Variants in NBEA observed in about 807,000 individuals in gnomAD.
The protein encoded by NBEA is lysosomal-trafficking regulator 2.
NBEA carries 44 observed loss-of-function variants against 343.4 expected under a neutral mutation model. The observed-to-expected ratio is 0.13, with a 90% CI of 0.10 to 0.16. The LOEUF is 0.16. Ranked by LOEUF, NBEA falls within the 10% of genes least tolerant of loss-of-function variation. The pLI, the probability that NBEA is intolerant of heterozygous loss-of-function variation, is 1.00. For missense variants in NBEA, 2,555 were observed against 3,631.3 expected, an observed-to-expected ratio of 0.70 and a Z score of 7.62; for synonymous variants, 1,175 against 1,238.7, an observed-to-expected ratio of 0.95 and a Z score of 1.08.
In NBEA at chr13:35,521,871, CT is replaced by C. The variant is rs1277400266; in HGVS notation, c.6586-28605del. On this transcript the variant is annotated intron_variant, in intron 41 of 58. Coordinates refer to ENST00000379939, the MANE Select transcript of NBEA (RefSeq NM_001385012.1). The stretch of plus-strand genomic sequence containing the variant: ...TTGGTACATACATTCCAAAAAGTCT[CT>C]CCCCTTTAACTATTTTGGTTCCTCC... Among the ~76,000 whole-genome samples the C allele has an allele frequency of 2.0e-5, 3 of 152,260 alleles. 1 individual carries two copies. The highest frequency in any genetic ancestry group is 7.2e-5 in the African/African-American group (3 of 41,536).
intron 45 of NBEA, among the ~76,000 whole-genome samples, chr13:35,581,784 G>A (rs1354618398): frequency 6.7e-6 from 1 of 149,064 alleles, no homozygotes; most frequent in African/African-American, 2.5e-5. Context: ...CCTAATGCTA[G>A]ATGATGAGTT....
intron 38 of NBEA, among the ~76,000 whole-genome samples, chr13:35,390,503 C>T (rs561507806): frequency 1.7e-4 from 26 of 152,220 alleles, no homozygotes; most frequent in Admixed American, 5.9e-4. Context: ...ATTAGAGAAT[C>T]GATGCCTGCA....
At chr13:35,029,429 CACAT>C (rs746462588) in intron 1 of NBEA, among the ~76,000 whole-genome samples, 9 of 151,412 alleles carry the variant, frequency 5.9e-5, no homozygotes, top group Non-Finnish European at 1.3e-4. Context: ...TAGGGAGTAA[CACAT>C]ACAAAGGATT....
intron 38 of NBEA, among the ~76,000 whole-genome samples, chr13:35,366,705 GAA>G (rs11344970): frequency 1.2e-4 from 17 of 145,868 alleles, no homozygotes; most frequent in African/African-American, 4.0e-4. Flanking sequence ...AGGTATTCAG[GAA>G]AAAAAAAACT....
At chr13:35,365,332 G>C (rs914051390) in intron 38 of NBEA, among the ~76,000 whole-genome samples, 1 of 151,582 alleles carries the variant, frequency 6.6e-6, no homozygotes, top group Non-Finnish European at 1.5e-5. Flanking sequence ...AAAGTCATTA[G>C]TTTTAAAATA....
At chr13:35,014,538 T>C (rs1358091782) in intron 1 of NBEA, among the ~76,000 whole-genome samples, 1 of 152,162 alleles carries the variant, frequency 6.6e-6, no homozygotes, top group Non-Finnish European at 1.5e-5. Flanking sequence ...GGAGAAGAAG[T>C]AAACTGATGT....
At chr13:35,338,061 A>G (rs1260000274) in intron 36 of NBEA, among the ~76,000 whole-genome samples, 3 of 143,120 alleles carry the variant, frequency 2.1e-5, no homozygotes, top group Admixed American at 2.0e-4. Context: ...AGGACAAACT[A>G]GAAGAAGAGG....
Position 35,159,441 on chromosome 13 carries a change from G to C in NBEA, c.3270G>C (p.Val1090=). Residue 1090 remains valine, a synonymous_variant, in exon 22 of 59, where the codon GTG becomes GTC. Transcript: ENST00000379939. The stretch of plus-strand genomic sequence containing the variant: ...TAGGTGGAGAGAATGGTGCCCTTGT[G>C]GAGGTTGAATCTCTGTTGGATAATG... The part of the protein sequence containing the change: ...TLVGGENGAL[V]EVESLLDNVY... 1 of 1,613,362 alleles carries C rather than the reference G, an allele frequency of 6.2e-7. No individual in the cohort carries two copies. Among genetic ancestry groups the C allele is most frequent in the Non-Finnish European group, 8.5e-7 (1 of 1,179,634 alleles).
chr13:35,600,323 C>T (rs1372270843), intron 47 of NBEA, among the ~76,000 whole-genome samples: 1 of 152,224 alleles, frequency 6.6e-6, no homozygotes, highest in Non-Finnish European at 1.5e-5. Context: ...ACGCACGTCT[C>T]TCTGGACCTG....
chr13:35,371,413 G>T (rs993141493), intron 38 of NBEA, among the ~76,000 whole-genome samples: 3 of 151,640 alleles, frequency 2.0e-5, no homozygotes, highest in Non-Finnish European at 4.4e-5. Flanking sequence ...GCTTTCTAAT[G>T]TATTTTTTAT....
chr13:35,514,478 T>C (rs1356044892), intron 41 of NBEA, among the ~76,000 whole-genome samples: 1 of 152,162 alleles, frequency 6.6e-6, no homozygotes, highest in Non-Finnish European at 1.5e-5. Flanking sequence ...CCCTCTGGAA[T>C]GCCACCCTCA....
intron 38 of NBEA, among the ~76,000 whole-genome samples, chr13:35,429,136 G>A (rs2044918584): frequency 6.6e-6 from 1 of 152,230 alleles, no homozygotes; most frequent in South Asian, 2.1e-4. Flanking sequence ...CCAATGGGAG[G>A]TGGAAATCCA....
chr13:35,215,689 C>A (rs1163828590), intron 33 of NBEA, among the ~76,000 whole-genome samples: 1 of 151,618 alleles, frequency 6.6e-6, no homozygotes, highest in Non-Finnish European at 1.5e-5. Context: ...TCTAAACTCA[C>A]ATAATCGATC....
intron 14 of NBEA, among the ~76,000 whole-genome samples, chr13:35,117,933 GAGTA>G (rs969669992): frequency 6.6e-5 from 10 of 151,990 alleles, no homozygotes; most frequent in Admixed American, 5.9e-4. Context: ...TTTAAGGAAA[GAGTA>G]AGTGATTAGA....
chr13:35,600,074 C>G (rs899804450), intron 47 of NBEA, among the ~76,000 whole-genome samples: 5 of 152,146 alleles, frequency 3.3e-5, no homozygotes, highest in African/African-American at 7.2e-5. Flanking sequence ...AATATACACT[C>G]TGATTAGCAG....
At chr13:35,637,397 G>A (rs977917002) in intron 49 of NBEA, among the ~76,000 whole-genome samples, 5 of 152,092 alleles carry the variant, frequency 3.3e-5, no homozygotes, top group East Asian at 1.9e-4. Flanking sequence ...TATGGCAATC[G>A]TTCAAAAATT....
intron 35 of NBEA, among the ~76,000 whole-genome samples, chr13:35,307,028 G>A (rs2036936127): frequency 6.6e-6 from 1 of 151,902 alleles, no homozygotes; most frequent in Non-Finnish European, 1.5e-5. Flanking sequence ...AGACAACAGT[G>A]TTTGTGATTT....
Position 35,212,727 on chromosome 13 carries a change from C to T in NBEA, c.5648+1548C>T, listed in dbSNP as rs146048885. Among the ~76,000 whole-genome samples the T allele has an allele frequency of 6.7e-3, 1,021 of 152,116 alleles. 10 individuals carry two copies. The highest frequency in any genetic ancestry group is 0.024 in the African/African-American group (982 of 41,518). On this transcript the variant is annotated intron_variant, in intron 33 of 58. Coordinates refer to ENST00000379939, the MANE Select transcript of NBEA (RefSeq NM_001385012.1). ...GTCTCTGTCATTTTAGCCATTTTGG[C>T]AGAAGTATAGTGGCATTCCATTGTA...
intron 41 of NBEA, among the ~76,000 whole-genome samples, chr13:35,546,576 G>A (rs374359507): frequency 1.3e-5 from 2 of 149,618 alleles, no homozygotes; most frequent in African/African-American, 2.5e-5. Context: ...TTTTTGAGAC[G>A]GAATCTTGCT....
Sources: allele counts gnomAD v4.1 joint callset (sites outside exome capture counted in the v4.1 genomes callset), GRCh38; gene constraint gnomAD v4.1.1; transcripts MANE v1.5; gene names NCBI Gene and HGNC (gene_info 2026-07-23, HGNC 2026-07-21).